STK32C: variants seen among roughly 807,000 people sequenced by gnomAD.
STK32C encodes the protein serine/threonine kinase 32C.
In STK32C, 31 loss-of-function variants were observed where a neutral mutation model predicts 56.5. That is an observed-to-expected ratio of 0.55 (90% CI 0.41 to 0.74). STK32C has a LOEUF of 0.74. STK32C is among the 30% of genes least tolerant of loss of function. The pLI is 0.00. For synonymous variants in STK32C, 309 were observed against 289.4 expected, an observed-to-expected ratio of 1.07 and a Z score of -0.69; for missense variants, 544 against 676.9, an observed-to-expected ratio of 0.80 and a Z score of 2.18.
intron 10 of STK32C, among the ~76,000 whole-genome samples, chr10:132,210,419 G>T (rs1483723096): frequency 6.6e-6 from 1 of 152,226 alleles, no homozygotes; most frequent in Admixed American, 6.5e-5. Flanking sequence ...ACCATACCCA[G>T]CTAATTTTTG....
chr10:132,292,611 T>G (rs1338679733), intron 1 of STK32C, among the ~76,000 whole-genome samples: 2 of 152,158 alleles, frequency 1.3e-5, no homozygotes, highest in Non-Finnish European at 2.9e-5. Flanking sequence ...ATTCATGCAC[T>G]CCCATGCTTG....
chr10:132,215,835 T>C (rs1236928680), intron 10 of STK32C, among the ~76,000 whole-genome samples: 1 of 152,234 alleles, frequency 6.6e-6, no homozygotes, highest in African/African-American at 2.4e-5. Context: ...TGGAACTTCC[T>C]AGAGACTTGT....
chr10:132,294,271 G>A (rs113978187), intron 1 of STK32C, among the ~76,000 whole-genome samples: 5,287 of 152,270 alleles, frequency 0.035, 119 homozygotes, highest in Non-Finnish European at 0.045. Flanking sequence ...CACGGGGAAG[G>A]GGGTTGGGGA....
chr10:132,301,702 C>A (rs932852394), intron 1 of STK32C, among the ~76,000 whole-genome samples: 1 of 152,222 alleles, frequency 6.6e-6, no homozygotes, highest in Non-Finnish European at 1.5e-5. Flanking sequence ...AAGATGTGAA[C>A]CAGGAGCTGC....
At chr10:132,275,978 T>C (rs1472195433) in intron 1 of STK32C, among the ~76,000 whole-genome samples, 1 of 152,070 alleles carries the variant, frequency 6.6e-6, no homozygotes, top group Non-Finnish European at 1.5e-5. Flanking sequence ...CACCCTGGCA[T>C]GCGGAACGGT....
At chr10:132,320,369 G>A (rs2066381702), downstream of STK32C, among the ~76,000 whole-genome samples, 1 of 152,086 alleles carries the variant, frequency 6.6e-6, no homozygotes, top group African/African-American at 2.4e-5. Flanking sequence ...AATCTGCACG[G>A]CGGTGACTGT....
intron 1 of STK32C, among the ~76,000 whole-genome samples, chr10:132,265,243 T>C: frequency 6.7e-6 from 1 of 148,700 alleles, no homozygotes. Flanking sequence ...GAGGTGGCTC[T>C]GGGGGTGCCG....
chr10:132,245,780 C>A, intron 2 of STK32C, 120 bp downstream of exon 2: 1 of 993,084 alleles, frequency 1.0e-6, no homozygotes, highest in South Asian at 1.4e-5. Context: ...AGCCTCTGCC[C>A]AGGTAAGGCT....
At chr10:132,316,543 T>A (rs1590496459) in intron 1 of STK32C, among the ~76,000 whole-genome samples, 2 of 152,228 alleles carry the variant, frequency 1.3e-5, no homozygotes. Context: ...CCCTTGAGAC[T>A]GGGAGGTTGA....
chr10:132,238,198 C>T (rs2063361542), intron 2 of STK32C, among the ~76,000 whole-genome samples: 1 of 152,142 alleles, frequency 6.6e-6, no homozygotes, highest in African/African-American at 2.4e-5. Flanking sequence ...GACTGTGGTG[C>T]AGCAGCTGCT....
intron 1 of STK32C, among the ~76,000 whole-genome samples, chr10:132,289,305 GA>G (rs2138290182): frequency 6.6e-6 from 1 of 152,270 alleles, no homozygotes; most frequent in African/African-American, 2.4e-5. Context: ...CTTTAGGATA[GA>G]CAACGATTTC....
chr10:132,321,578 C>T (rs761948270), downstream of STK32C, among the ~76,000 whole-genome samples: 2 of 152,100 alleles, frequency 1.3e-5, no homozygotes, highest in Non-Finnish European at 2.9e-5. Flanking sequence ...GCCTATAATC[C>T]CAGCACTTTG....
At chr10:132,318,845 C>T (rs2066353786) in intron 1 of STK32C, among the ~76,000 whole-genome samples, 1 of 148,694 alleles carries the variant, frequency 6.7e-6, no homozygotes, top group Admixed American at 6.7e-5. Flanking sequence ...TACAACTACA[C>T]ACTTACTAGG....
rs756324649 is a variant in STK32C, at chr10:132,329,121, C to T, written c.301+2315G>A. ...CAGTTTAAAATAAATGTGTCTACCC[C>T]GGGCAGTGGCTCAGGACTGGCAGTG... On this transcript the variant is annotated intron_variant, in intron 1 of 1. Coordinates refer to the STK32C transcript ENST00000368619. Among the ~76,000 whole-genome samples, 64 of 152,326 alleles carry T rather than the reference C, an allele frequency of 4.2e-4. 2 individuals are homozygous for T. The highest frequency in any genetic ancestry group is 5.2e-4 in the Admixed American group (8 of 15,294).
At chr10:132,288,574 A>C (rs761951306) in intron 1 of STK32C, among the ~76,000 whole-genome samples, 45 of 152,326 alleles carry the variant, frequency 3.0e-4, no homozygotes, top group Admixed American at 1.0e-3. Context: ...CTTTGTCAAA[A>C]CTCATTAAAT....
chr10:132,230,792 C>A (rs1317623283), intron 2 of STK32C, among the ~76,000 whole-genome samples: 1 of 152,120 alleles, frequency 6.6e-6, no homozygotes, highest in Non-Finnish European at 1.5e-5. Context: ...TTGTGCACCA[C>A]CCCAGAAAGC....
In STK32C at chr10:132,245,929, G is replaced by A. The variant is rs1406086662; in HGVS notation, c.289C>T (p.Arg97Trp). Residue 97 changes from arginine (R) to tryptophan (W), a missense_variant, in exon 2 of 12, where the codon CGG becomes TGG. This residue lies in a region of STK32C where 182 missense variants were observed against 217.7 expected (regional missense o/e 0.84). Coordinates refer to ENST00000298630, the MANE Select transcript of STK32C (RefSeq NM_173575.4). ...CCAAAGCTGCCCTTCCCAATGGCCC[G>A]AAGGATCTGGAAGTGGTCGAAGTTC... Reference protein sequence around the residue: ...DVNFDHFQILRAIGKGSFGKV... With the variant: ...DVNFDHFQILWAIGKGSFGKV... 3 of 1,613,444 alleles carry A rather than the reference G, an allele frequency of 1.9e-6. No individual in the cohort carries two copies. Among genetic ancestry groups the A allele is most frequent in the African/African-American group, 1.3e-5 (1 of 75,014 alleles).
rs1269546650 is a variant in STK32C at position 132,307,075 on chromosome 10, A to C, written c.262+497T>G. 2 of 152,488 alleles carry C rather than the reference A, an allele frequency of 1.3e-5. No homozygotes were observed. The highest frequency in any genetic ancestry group is 2.9e-5 in the Non-Finnish European group (2 of 68,194). The allele number at this position is 152,488 out of a possible 1,614,324, so 9.4% of individuals were successfully genotyped here. On this transcript the variant is annotated intron_variant, in intron 1 of 11. Transcript: ENST00000298630. This position sits in a 1 kb window ranked among gnomAD's most constrained non-coding sequence, Gnocchi z 4.4. ...AACGGCCTGGCCCTGCCTCCAGCGC[A>C]CATGGGTGAGCAGAGGATGGACACC...
At chr10:132,283,904 G>C (rs1281800116) in intron 1 of STK32C, among the ~76,000 whole-genome samples, 2 of 152,168 alleles carry the variant, frequency 1.3e-5, no homozygotes, top group East Asian at 3.9e-4. Context: ...CCCATCCAAA[G>C]TCCAGGGGAA....
Sources: allele counts gnomAD v4.1 joint callset (sites outside exome capture counted in the v4.1 genomes callset), GRCh38; gene constraint gnomAD v4.1.1; regional missense constraint gnomAD v4.1.1; non-coding constraint Gnocchi (gnomAD v3.1); transcripts MANE v1.5; gene names NCBI Gene and HGNC (gene_info 2026-07-23, HGNC 2026-07-21).